WWP1: variants seen among roughly 807,000 people sequenced by gnomAD.
WWP1 encodes WW domain containing E3 ubiquitin protein ligase 1.
Under a neutral mutation model 130.6 loss-of-function variants are expected in WWP1, and 49 were observed. The observed-to-expected ratio is 0.38, with a 90% CI of 0.30 to 0.48. WWP1 has a LOEUF of 0.48. WWP1 is among the 20% of genes least tolerant of loss of function. The probability of loss-of-function intolerance (pLI) is 0.99; values close to 1 mark genes in which losing one functional copy is unlikely to be tolerated. For synonymous variants in WWP1, 332 were observed against 367.8 expected (o/e 0.90, Z 1.11); for missense variants, 809 against 1,100.6 (o/e 0.74, Z 3.75).
intron 17 of WWP1, among the ~76,000 whole-genome samples, chr8:86,439,058 T>TTTAA (rs1810451829): frequency 6.6e-6 from 1 of 152,186 alleles, no homozygotes; most frequent in South Asian, 2.1e-4. Flanking sequence ...TAAAAAGTTT[T>TTTAA]AAAGGCTGGA....
At chr8:86,390,379 C>T (rs998530904) in intron 5 of WWP1, among the ~76,000 whole-genome samples, 2 of 152,022 alleles carry the variant, frequency 1.3e-5, no homozygotes, top group African/African-American at 2.4e-5. Context: ...GCCGAGATCA[C>T]GCCACTGCAC....
intron 7 of WWP1, among the ~76,000 whole-genome samples, chr8:86,399,588 C>T (rs1333636091): frequency 6.6e-6 from 1 of 152,128 alleles, no homozygotes; most frequent in East Asian, 1.9e-4. Flanking sequence ...CATTAGACCA[C>T]TTGAACAGAT....
chr8:86,387,148 G>A (rs996669800), intron 5 of WWP1: 53 of 152,280 alleles, frequency 3.5e-4, no homozygotes, highest in African/African-American at 1.2e-3. Context: ...CTGAAGCAGA[G>A]GTGGTCCAAC....
intron 7 of WWP1, among the ~76,000 whole-genome samples, chr8:86,400,683 A>G (rs1160739676): frequency 1.3e-5 from 2 of 152,226 alleles, no homozygotes; most frequent in Non-Finnish European, 2.9e-5. Flanking sequence ...ATAGTTGTAT[A>G]ATTTTACCAC....
intron 12 of WWP1, 79 bp from the exon 13 acceptor site, chr8:86,431,327 A>T: frequency 2.9e-6 from 1 of 349,128 alleles, no homozygotes; most frequent in Non-Finnish European, 4.6e-6. Context: ...AATATATATT[A>T]TATATAATTA....
At chr8:86,448,590 A>G (rs1168432620) in intron 20 of WWP1, 77 bp downstream of exon 20, 3 of 1,382,446 alleles carry the variant, frequency 2.2e-6, no homozygotes, top group Admixed American at 2.5e-5. Context: ...CCTTAATTTC[A>G]TCCCCTTTTC....
At chr8:86,362,178 A>ATATATAT (rs1823697654) in intron 1 of WWP1, among the ~76,000 whole-genome samples, 3 of 124,554 alleles carry the variant, frequency 2.4e-5, no homozygotes, top group South Asian at 2.5e-4. Flanking sequence ...ATATATATAT[A>ATATATAT]TATATATATA....
chr8:86,434,440 G>A lies in WWP1; in HGVS notation c.1602-1012G>A, dbSNP rs536214791. The stretch of plus-strand genomic sequence containing the variant: ...CGTCTGCCTGGTATGCTCTTTTCCC[G>A]AAACTCCATATGGCTTTTGCCCTCT... On this transcript the variant is annotated intron_variant, in intron 14 of 24. Transcript: ENST00000517970. 5.9e-5 allele frequency among the ~76,000 whole-genome samples: 9 copies of A among 152,238 alleles called. No individual in the cohort carries two copies. The South Asian group carries it at 8.3e-4, about 14-fold the overall frequency.
chr8:86,366,227 G>A (rs1823957820), intron 1 of WWP1, among the ~76,000 whole-genome samples: 1 of 152,168 alleles, frequency 6.6e-6, no homozygotes, highest in Admixed American at 6.5e-5. Flanking sequence ...AGTTCAGGAT[G>A]GGGCCATATG....
At chr8:86,410,349 T>C (rs1808513603) in intron 8 of WWP1, among the ~76,000 whole-genome samples, 1 of 152,192 alleles carries the variant, frequency 6.6e-6, no homozygotes, top group Non-Finnish European at 1.5e-5. Context: ...CCATTGCTGC[T>C]CTGATTTGTC....
At chr8:86,409,304 G>A (rs1171588922) in intron 8 of WWP1, among the ~76,000 whole-genome samples, 1 of 142,876 alleles carries the variant, frequency 7.0e-6, no homozygotes, top group African/African-American at 2.6e-5. Flanking sequence ...CGTGATCCTG[G>A]CTCACTGCAA....
intron 21 of WWP1, among the ~76,000 whole-genome samples, chr8:86,454,041 G>A (rs1264701732): frequency 6.6e-6 from 1 of 151,948 alleles, no homozygotes; most frequent in Non-Finnish European, 1.5e-5. Context: ...TTAGCCTTCT[G>A]GCAAGTCTGA....
intron 23 of WWP1, 187 bp downstream of exon 23, chr8:86,461,507 A>C (rs1245113189): frequency 1.6e-6 from 1 of 636,440 alleles, no homozygotes; most frequent in Non-Finnish European, 2.8e-6. Context: ...ATGTGTCCTC[A>C]TATAGCTGAG....
chr8:86,357,065 A>C (rs1045859732), intron 1 of WWP1, among the ~76,000 whole-genome samples: 5 of 150,348 alleles, frequency 3.3e-5, no homozygotes, highest in African/African-American at 1.2e-4. Flanking sequence ...TAATTGTATA[A>C]ATCATTCTGA....
At chr8:86,391,799 C>T (rs977826492) in intron 5 of WWP1, among the ~76,000 whole-genome samples, 15 of 151,888 alleles carry the variant, frequency 9.9e-5, no homozygotes, top group Admixed American at 9.8e-4. Flanking sequence ...TGGCAAGTAA[C>T]GAAGTCAGGA....
At chr8:86,369,448 G>T (rs1333295542) in intron 2 of WWP1, among the ~76,000 whole-genome samples, 1 of 152,120 alleles carries the variant, frequency 6.6e-6, no homozygotes, top group Non-Finnish European at 1.5e-5. Flanking sequence ...TCTGGGGATT[G>T]GGTGATATGA....
In WWP1 at chr8:86,461,219, TAC is replaced by T; in HGVS notation, c.2500-3_2500-2del. 1.2e-6 allele frequency: 2 copies of T among 1,612,468 alleles called. No homozygotes were observed. The highest frequency in any genetic ancestry group is 1.7e-6 in the Non-Finnish European group (2 of 1,178,690). ...CATATTAAAGTACATTTAATTTCAT[TAC>T]AGTTTGTGAAAGAGACAGACAATGA... On this transcript the variant is annotated splice_region_variant and splice_polypyrimidine_tract_variant and intron_variant, in intron 22 of 24. Transcript: ENST00000517970.
intron 3 of WWP1, among the ~76,000 whole-genome samples, chr8:86,374,741 A>G (rs1824532588): frequency 6.6e-6 from 1 of 151,894 alleles, no homozygotes; most frequent in South Asian, 2.1e-4. Context: ...ATAGGGTCTC[A>G]CTTTCTCTCC....
intron 11 of WWP1, 125 bp downstream of exon 11, chr8:86,427,942 CTG>C (rs1333746777): frequency 3.7e-6 from 3 of 814,258 alleles, no homozygotes; most frequent in South Asian, 3.2e-5. Context: ...ATGGTATAGA[CTG>C]TGTTACAAGA....
Sources: allele counts gnomAD v4.1 joint callset (sites outside exome capture counted in the v4.1 genomes callset), GRCh38; gene constraint gnomAD v4.1.1; transcripts MANE v1.5; gene names NCBI Gene and HGNC (gene_info 2026-07-23, HGNC 2026-07-21).